The following KCND2 variants were observed in gnomAD, a reference collection of about 807,000 sequenced individuals.
KCND2 encodes the protein potassium voltage-gated channel subfamily D member 2.
A neutral mutation model predicts 54.4 loss-of-function variants in KCND2; 16 were observed. That is an observed-to-expected ratio of 0.29 (90% CI 0.20 to 0.45). The LOEUF (loss-of-function observed/expected upper bound fraction) is 0.45, where lower values mean the gene tolerates loss of function less well. KCND2 is among the 20% of genes least tolerant of loss of function. The pLI, the probability that KCND2 is intolerant of heterozygous loss-of-function variation, is 1.00. For missense variants in KCND2, 486 were observed against 824.2 expected, an observed-to-expected ratio of 0.59 and a Z score of 5.02; for synonymous variants, 317 against 310.7, an observed-to-expected ratio of 1.02 and a Z score of -0.21.
intron 1 of KCND2, among the ~76,000 whole-genome samples, chr7:120,678,450 T>C (rs1301607449): frequency 1.4e-5 from 2 of 146,872 alleles, no homozygotes; most frequent in South Asian, 2.1e-4. Flanking sequence ...CATATGTGTA[T>C]GTATGTAAGT....
chr7:120,596,927 G>A (rs1033701597), intron 1 of KCND2, among the ~76,000 whole-genome samples: 1 of 152,204 alleles, frequency 6.6e-6, no homozygotes. Context: ...GCACTGTGCT[G>A]AAGAATATAT....
chr7:120,571,284 A>C (rs1014320671), intron 1 of KCND2, among the ~76,000 whole-genome samples: 1 of 152,226 alleles, frequency 6.6e-6, no homozygotes, highest in South Asian at 2.1e-4. Context: ...CAAAATATGA[A>C]TTAAAGAGAG....
At chr7:120,476,924 G>A (rs879057244) in intron 1 of KCND2, among the ~76,000 whole-genome samples, 1 of 152,164 alleles carries the variant, frequency 6.6e-6, no homozygotes, top group African/African-American at 2.4e-5. Flanking sequence ...CCAAATGCCA[G>A]CAAGAAAGGT....
chr7:120,681,008 C>A (rs1456634326), intron 1 of KCND2, among the ~76,000 whole-genome samples: 1 of 152,080 alleles, frequency 6.6e-6, no homozygotes, highest in Non-Finnish European at 1.5e-5. Context: ...TAATATCATT[C>A]TTTAAGGAGA....
At chr7:120,355,850 T>C (rs964197058) in intron 1 of KCND2, among the ~76,000 whole-genome samples, 5 of 152,214 alleles carry the variant, frequency 3.3e-5, no homozygotes, top group African/African-American at 1.2e-4. Context: ...TTATTTAGTA[T>C]TTCTGAGTAA....
intron 1 of KCND2, among the ~76,000 whole-genome samples, chr7:120,321,966 G>A (rs1203245529): frequency 6.6e-6 from 1 of 151,964 alleles, no homozygotes; most frequent in Admixed American, 6.6e-5. Context: ...TAATATTAAT[G>A]AGAAAATATG....
intron 1 of KCND2, among the ~76,000 whole-genome samples, chr7:120,660,152 A>G (rs1201276486): frequency 6.6e-6 from 1 of 152,190 alleles, no homozygotes; most frequent in African/African-American, 2.4e-5. Context: ...TTTCAAATAT[A>G]TTATCCAGAT....
At chr7:120,641,102 C>T (rs1793365513) in intron 1 of KCND2, among the ~76,000 whole-genome samples, 1 of 152,218 alleles carries the variant, frequency 6.6e-6, no homozygotes, top group Non-Finnish European at 1.5e-5. Context: ...TCAACATAGA[C>T]TTTCAAATTA....
chr7:120,624,065 T>C (rs922423385), intron 1 of KCND2, among the ~76,000 whole-genome samples: 36 of 152,194 alleles, frequency 2.4e-4, no homozygotes, highest in African/African-American at 8.4e-4. Flanking sequence ...AGGAAAGTTA[T>C]TCTGTATAAA....
intron 1 of KCND2, among the ~76,000 whole-genome samples, chr7:120,655,134 T>C (rs1791784883): frequency 6.6e-6 from 1 of 152,078 alleles, no homozygotes; most frequent in Non-Finnish European, 1.5e-5. Flanking sequence ...CATTTTTATA[T>C]TTAGAAAAAT....
intron 1 of KCND2, among the ~76,000 whole-genome samples, chr7:120,346,504 A>C (rs914803502): frequency 6.6e-6 from 1 of 152,226 alleles, no homozygotes; most frequent in East Asian, 1.9e-4. Flanking sequence ...CTTTAAGTCC[A>C]TAAGCCCAGG....
chr7:120,744,597 T>C (rs1433205164), intron 4 of KCND2, among the ~76,000 whole-genome samples: 1 of 152,226 alleles, frequency 6.6e-6, no homozygotes, highest in Non-Finnish European at 1.5e-5. Context: ...AATTCTGTCT[T>C]GTCTGATTAT....
intron 1 of KCND2, among the ~76,000 whole-genome samples, chr7:120,459,692 G>A (rs1243251366): frequency 1.3e-5 from 2 of 152,152 alleles, no homozygotes; most frequent in East Asian, 1.9e-4. Context: ...GCGTCTACCA[G>A]TTATGTGAAC....
chr7:120,601,416 C>T (rs1792811395), intron 1 of KCND2, among the ~76,000 whole-genome samples: 1 of 152,020 alleles, frequency 6.6e-6, no homozygotes, highest in Non-Finnish European at 1.5e-5. Flanking sequence ...CTGAATCCCA[C>T]AGGTGGAAGA....
At chr7:120,352,158 G>A (rs1391292721) in intron 1 of KCND2, among the ~76,000 whole-genome samples, 5 of 151,562 alleles carry the variant, frequency 3.3e-5, no homozygotes, top group African/African-American at 2.4e-5. Context: ...GGATGGTCTC[G>A]ATCTCTTGAC....
In KCND2 at chr7:120,749,460, C is replaced by G. The variant is rs1793046030; in HGVS notation, c.*1602C>G. ...GTCAAATGCAAAGTTTTTATTCATT[C>G]CAAGCCACCACTGTAAGGAATAAAG... On this transcript the variant is annotated 3_prime_UTR_variant, in exon 6 of 6. Transcript: ENST00000331113. 1 of 152,276 alleles carries G rather than the reference C, an allele frequency of 6.6e-6. No individual in the cohort carries two copies. Among genetic ancestry groups the G allele is most frequent in the South Asian group, 2.1e-4 (1 of 4,826 alleles). 9.4% of individuals were successfully genotyped at this position (152,276 alleles called of 1,614,324 possible).
At chr7:120,536,794 C>A (rs751995521) in intron 1 of KCND2, among the ~76,000 whole-genome samples, 1 of 152,144 alleles carries the variant, frequency 6.6e-6, no homozygotes, top group Non-Finnish European at 1.5e-5. Flanking sequence ...GTTACTTTCT[C>A]CACTGAAGTC....
intron 1 of KCND2, among the ~76,000 whole-genome samples, chr7:120,520,587 T>A (rs1791676308): frequency 6.6e-6 from 1 of 152,022 alleles, no homozygotes; most frequent in Non-Finnish European, 1.5e-5. Context: ...TCAGGGACGC[T>A]CCTGAAGAAG....
chr7:120,679,792 T>A (rs1792116649), intron 1 of KCND2, among the ~76,000 whole-genome samples: 1 of 152,068 alleles, frequency 6.6e-6, no homozygotes. Context: ...TCATGAAAAG[T>A]CCATTTCACA....
Sources: allele counts gnomAD v4.1 joint callset (sites outside exome capture counted in the v4.1 genomes callset), GRCh38; gene constraint gnomAD v4.1.1; transcripts MANE v1.5; gene names NCBI Gene and HGNC (gene_info 2026-07-23, HGNC 2026-07-21).